Variants in USP31 observed in about 807,000 individuals in gnomAD.
The protein encoded by USP31 is ubiquitin specific peptidase 31, also known as ubiquitin carboxyl-terminal hydrolase 31.
A neutral mutation model predicts 119.4 loss-of-function variants in USP31; 44 were observed. The ratio of observed to expected loss-of-function variants is 0.37; its 90% confidence interval spans 0.29 to 0.47. USP31 has a LOEUF of 0.47. Among genes scored for constraint, USP31 ranks in the 20% least tolerant of loss-of-function variants. USP31 has a pLI of 0.99. For synonymous variants in USP31, 749 were observed against 705.6 expected (o/e 1.06, Z -0.97); for missense variants, 1,643 against 1,730.2 (o/e 0.95, Z 0.89).
At position 23,073,853 on chromosome 16, in the gene USP31, A is replaced by C. The variant is rs768827851; in HGVS notation, c.2204T>G (p.Leu735Arg). The C allele has an allele frequency of 1.9e-6, 3 of 1,614,136 alleles. No individual in the cohort carries two copies. The South Asian group carries it at 3.3e-5, about 18-fold the overall frequency. ...ATCGCTGTCATCGAAGCAGTACCAG[A>C]GGCCGTCCACAGAGTTCTTACAGTA... ...TAYCKNSVDG[L>R]WYCFDDSDVQ... Residue 735 changes from leucine (L) to arginine (R), a missense_variant, in exon 14 of 16, where the codon CTC becomes CGC. Leu to Arg is a moderately radical substitution (Grantham distance 102, BLOSUM62 -2). Around this residue, in one of 5 missense-constraint regions of USP31, gnomAD observed 279 missense variants for 372.2 expected, o/e 0.75. Coordinates refer to ENST00000219689, the MANE Select transcript of USP31 (RefSeq NM_020718.4).
At chr16:23,114,541 T>A (rs1414502494) in intron 1 of USP31, among the ~76,000 whole-genome samples, 1 of 152,068 alleles carries the variant, frequency 6.6e-6, no homozygotes, top group African/African-American at 2.4e-5. Flanking sequence ...AAAGCAGATA[T>A]TTTATACACA....
intron 6 of USP31, 75 bp from the exon 7 acceptor site, chr16:23,090,879 C>T (rs1356267998): frequency 7.5e-7 from 1 of 1,327,706 alleles, no homozygotes; most frequent in East Asian, 2.6e-5. Context: ...GAAATTTACC[C>T]AACAGAGAAA....
Position 23,080,120 on chromosome 16 carries a change from C to A in USP31, c.2002G>T (p.Gly668Cys). 6.2e-7 allele frequency: 1 copy of A among 1,600,014 alleles called. No individual in the cohort carries two copies. Among genetic ancestry groups the A allele is most frequent in the Non-Finnish European group, 8.5e-7 (1 of 1,174,604 alleles). ...LQNMVKFPLT[G>C]LDMTPHVVKR... is the part of the protein sequence containing the mutation. ...ACCACGTGAGGTGTCATGTCCAGGC[C>A]AGTCAAGGGGAATTTGACCATGTTC... is the stretch of plus-strand genomic sequence containing the variant. Residue 668 changes from glycine (G) to cysteine (C), a missense_variant, in exon 13 of 16, where the codon GGC becomes TGC. This residue lies in a region of USP31 where 279 missense variants were observed against 372.2 expected (regional missense o/e 0.75). Coordinates refer to ENST00000219689, the MANE Select transcript of USP31 (RefSeq NM_020718.4).
chr16:23,071,976 A>G lies in USP31; in HGVS notation c.2488+69T>C. 5.8e-6 allele frequency: 9 copies of G among 1,542,566 alleles called. No individual in the cohort carries two copies. The South Asian group carries it at 1.1e-4, about 20-fold the overall frequency. On this transcript the variant is annotated intron_variant, in intron 15 of 15. Coordinates refer to ENST00000219689, the MANE Select transcript of USP31 (RefSeq NM_020718.4). ...CTCCTTGGGACTTAGCTCCTAGGAA[A>G]AACACGAGGGACTCTGCTGTGTCTG...
At chr16:23,083,987 C>G (rs770894363) in intron 11 of USP31, among the ~76,000 whole-genome samples, 46 of 152,154 alleles carry the variant, frequency 3.0e-4, no homozygotes, top group Admixed American at 5.2e-4. Flanking sequence ...CTTAACGAGG[C>G]AAACTACCTC....
chr16:23,070,683 C>T (rs185363569), intron 15 of USP31, among the ~76,000 whole-genome samples: 156 of 151,562 alleles, frequency 1.0e-3, no homozygotes, highest in African/African-American at 3.6e-3. Context: ...CACTACACTC[C>T]AGCCGGGAGA....
chr16:23,099,236 C>T (rs1326844154), intron 6 of USP31, among the ~76,000 whole-genome samples: 2 of 152,164 alleles, frequency 1.3e-5, no homozygotes, highest in Non-Finnish European at 2.9e-5. Flanking sequence ...CATCACTGGT[C>T]ATCAGAGAAA....
intron 13 of USP31, among the ~76,000 whole-genome samples, chr16:23,074,525 A>C (rs1900478430): frequency 6.6e-6 from 1 of 152,196 alleles, no homozygotes; most frequent in African/African-American, 2.4e-5. Context: ...CAGAGGTTGA[A>C]AAAGATTAAT....
intron 7 of USP31, among the ~76,000 whole-genome samples, chr16:23,088,091 G>C (rs1028096121): frequency 6.6e-6 from 1 of 152,138 alleles, no homozygotes; most frequent in African/African-American, 2.4e-5. Flanking sequence ...AGGTGGCAAC[G>C]GGGCAGGATC....
intron 7 of USP31, 128 bp downstream of exon 7, chr16:23,090,496 C>A (rs1009452594): frequency 3.5e-5 from 35 of 1,004,596 alleles, no homozygotes; most frequent in Non-Finnish European, 4.6e-5. Context: ...TACATGTATT[C>A]TTTCTAAATA....
chr16:23,114,861 T>C (rs1212296159), intron 1 of USP31, among the ~76,000 whole-genome samples: 2 of 152,200 alleles, frequency 1.3e-5, no homozygotes, highest in East Asian at 3.8e-4. Context: ...CAAAAGGTCC[T>C]CTTTCTGCCT....
intron 13 of USP31, chr16:23,079,116 A>T (rs1376644280): frequency 6.6e-6 from 1 of 152,246 alleles, no homozygotes; most frequent in East Asian, 1.9e-4. Flanking sequence ...TGGGAAGATT[A>T]AAAAACTTGT....
chr16:23,139,200 C>T (rs978126115), intron 1 of USP31, among the ~76,000 whole-genome samples: 4 of 152,076 alleles, frequency 2.6e-5, no homozygotes, highest in East Asian at 1.9e-4. Context: ...GTCAGGAGTT[C>T]GAGACCACCC....
intron 5 of USP31, 96 bp downstream of exon 5, chr16:23,105,345 C>G: frequency 1.5e-6 from 2 of 1,375,208 alleles, no homozygotes; most frequent in Non-Finnish European, 9.5e-7. Context: ...AAATCTCTAT[C>G]CAACCATACT....
intron 6 of USP31, among the ~76,000 whole-genome samples, chr16:23,097,840 T>C (rs1298793419): frequency 1.3e-5 from 2 of 152,188 alleles, no homozygotes; most frequent in African/African-American, 2.4e-5. Flanking sequence ...ATAAGAGCTA[T>C]TTATGACAAA....
chr16:23,083,812 C>T (rs929016567), intron 11 of USP31, among the ~76,000 whole-genome samples: 2 of 149,272 alleles, frequency 1.3e-5, no homozygotes, highest in African/African-American at 2.5e-5. Context: ...AATACAAAAG[C>T]TATTTTCAAA....
chr16:23,128,119 A>G (rs1902922838), intron 1 of USP31, among the ~76,000 whole-genome samples: 1 of 152,218 alleles, frequency 6.6e-6, no homozygotes, highest in Admixed American at 6.5e-5. Context: ...GGAATAATCA[A>G]TGTGAATTCA....
At chr16:23,110,822 A>G (rs949843040) in intron 1 of USP31, among the ~76,000 whole-genome samples, 5 of 152,164 alleles carry the variant, frequency 3.3e-5, no homozygotes, top group Non-Finnish European at 7.4e-5. Context: ...GCCATATTAT[A>G]TATGGGAGTA....
At chr16:23,125,902 A>C (rs1365619067) in intron 1 of USP31, among the ~76,000 whole-genome samples, 1 of 152,222 alleles carries the variant, frequency 6.6e-6, no homozygotes, top group Non-Finnish European at 1.5e-5. Flanking sequence ...GTTTGGAAAC[A>C]GCCTTTCTCT....
Sources: allele counts gnomAD v4.1 joint callset (sites outside exome capture counted in the v4.1 genomes callset), GRCh38; gene constraint gnomAD v4.1.1; regional missense constraint gnomAD v4.1.1; transcripts MANE v1.5; gene names NCBI Gene and HGNC (gene_info 2026-07-23, HGNC 2026-07-21).